NUP160: variants seen among roughly 807,000 people sequenced by gnomAD.
NUP160 encodes the protein nuclear pore complex protein Nup160.
Under a neutral mutation model 196.9 loss-of-function variants are expected in NUP160, and 94 were observed. The ratio of observed to expected loss-of-function variants is 0.48; its 90% confidence interval spans 0.40 to 0.57. NUP160 has a LOEUF of 0.57. Among genes scored for constraint, NUP160 ranks in the 20% least tolerant of loss-of-function variants. NUP160 has a pLI of 0.00. For missense variants in NUP160, 1,638 were observed against 1,748.3 expected (o/e 0.94, Z 1.13); for synonymous variants, 605 against 619.7 (o/e 0.98, Z 0.35).
rs748651233 is a variant in NUP160, at chr11:47,826,669, T to A, written c.1102-4505A>T. 2.6e-4 allele frequency among the ~76,000 whole-genome samples: 40 copies of A among 151,498 alleles called. No individual in the cohort carries two copies. In the Middle Eastern group the frequency reaches 0.017, roughly 64 times the overall value. The stretch of plus-strand genomic sequence containing the variant: ...CATCTGCCTCCTGGGTTCAAGCAAT[T>A]CTCCTGCCTCAGTCTCCCGAGTAGC... On this transcript the variant is annotated intron_variant, in intron 7 of 35. Transcript: ENST00000378460.
In NUP160 at chr11:47,848,233, G is replaced by C. The variant is rs759829541; in HGVS notation, c.188C>G (p.Thr63Arg). The change falls in exon 1 of 36, where the codon ACA becomes AGA. Residue 63 changes from threonine to arginine, a missense_variant. This residue lies in a region of NUP160 where 287 missense variants were observed against 259.5 expected (regional missense o/e 1.11). Coordinates refer to ENST00000378460, the Ensembl canonical transcript of NUP160. ...CATTTCCGTACCAATGCTGCAGACTGTGAATTCCCGAAAGTGCCTCGGCCT... is the reference window on the plus strand; with the variant it reads ...CATTTCCGTACCAATGCTGCAGACTCTGAATTCCCGAAAGTGCCTCGGCCT... The C allele has an allele frequency of 2.5e-6, 4 of 1,614,208 alleles. No individual in the cohort carries two copies. The South Asian group carries it at 4.4e-5, about 18-fold the overall frequency.
intron 2 of NUP160, among the ~76,000 whole-genome samples, chr11:47,845,839 T>G (rs933436460): frequency 1.3e-5 from 2 of 151,832 alleles, no homozygotes; most frequent in Non-Finnish European, 2.9e-5. Context: ...CCTGGCTTAT[T>G]TTAAAAAATC....
intron 29 of NUP160, among the ~76,000 whole-genome samples, chr11:47,790,410 C>T (rs1351168525): frequency 6.6e-6 from 1 of 152,058 alleles, no homozygotes; most frequent in Non-Finnish European, 1.5e-5. Flanking sequence ...CAGCCACCCG[C>T]CACCACACCC....
chr11:47,829,415 C>T (rs1383104422), intron 7 of NUP160, among the ~76,000 whole-genome samples: 2 of 152,152 alleles, frequency 1.3e-5, no homozygotes, highest in Admixed American at 1.3e-4. Context: ...AAGCAATTCT[C>T]GTGCCTCAGC....
chr11:47,808,629 A>G, intron 17 of NUP160, 100 bp from the exon 18 acceptor site: 1 of 917,536 alleles, frequency 1.1e-6, no homozygotes, highest in East Asian at 2.7e-5. Flanking sequence ...ACAAATACAA[A>G]GGTCACAATA....
intron 2 of NUP160, among the ~76,000 whole-genome samples, chr11:47,844,423 T>C (rs1182838568): frequency 6.6e-6 from 1 of 152,032 alleles, no homozygotes. Flanking sequence ...CCCTCAACTA[T>C]CTCTTTCTTA....
chr11:47,845,187 C>T lies in NUP160; in HGVS notation c.314+2661G>A, dbSNP rs376820277. 1.9e-3 allele frequency among the ~76,000 whole-genome samples: 284 copies of T among 152,288 alleles called. 1 individual carries two copies. The highest frequency in any genetic ancestry group is 3.0e-3 in the Non-Finnish European group (207 of 68,030). On this transcript the variant is annotated intron_variant, in intron 2 of 35. Coordinates refer to ENST00000378460, the Ensembl canonical transcript of NUP160. ...TGCAGTTTTGCTCTTGTTGCCCAGG[C>T]TGGAGTGCAATGGTGTGATCTCAGC...
chr11:47,811,214 T>C (rs1477820881), intron 17 of NUP160, among the ~76,000 whole-genome samples: 4 of 152,142 alleles, frequency 2.6e-5, no homozygotes, highest in South Asian at 2.1e-4. Flanking sequence ...CCTTGCACTG[T>C]AGAGAGTTCT....
intron 23 of NUP160, 83 bp downstream of exon 23, chr11:47,801,726 ATT>A: frequency 7.9e-7 from 1 of 1,270,758 alleles, no homozygotes; most frequent in Admixed American, 2.4e-5. Flanking sequence ...TTTTTATAGT[ATT>A]TTTCTCCAAA....
chr11:47,838,364 G>GT (rs930767836), intron 4 of NUP160, among the ~76,000 whole-genome samples: 16 of 152,334 alleles, frequency 1.1e-4, no homozygotes, highest in Admixed American at 7.8e-4. Context: ...CTAGGCCAGT[G>GT]TAAGGACTCT....
intron 34 of NUP160, among the ~76,000 whole-genome samples, 186 bp from the exon 35 acceptor site, chr11:47,780,633 C>A (rs566017357): frequency 1.3e-5 from 2 of 150,834 alleles, no homozygotes; most frequent in South Asian, 4.2e-4. Context: ...GCCTCCTGGG[C>A]TCAAGCAATT....
At chr11:47,795,201 A>T (rs2097670221) in intron 27 of NUP160, among the ~76,000 whole-genome samples, 1 of 152,234 alleles carries the variant, frequency 6.6e-6, no homozygotes, top group South Asian at 2.1e-4. Context: ...GGACTCCAGA[A>T]ATTAAAATAT....
At chr11:47,792,653 T>C in intron 28 of NUP160, 133 bp downstream of exon 28, 1 of 843,490 alleles carries the variant, frequency 1.2e-6, no homozygotes, top group Non-Finnish European at 1.8e-6. Flanking sequence ...CATAGATTTT[T>C]TTCACAAATA....
At chr11:47,847,799 T>C (rs1852428767) in intron 2 of NUP160, 49 bp downstream of exon 2, 1 of 1,345,322 alleles carries the variant, frequency 7.4e-7, no homozygotes, top group Non-Finnish European at 1.1e-6. Context: ...CGAAAATTTA[T>C]ACACCAAACC....
At chr11:47,824,422 G>A (rs1244512861) in intron 7 of NUP160, among the ~76,000 whole-genome samples, 1 of 151,522 alleles carries the variant, frequency 6.6e-6, no homozygotes, top group African/African-American at 2.4e-5. Context: ...TGACTAACAC[G>A]GTGAAACGCC....
intron 21 of NUP160, among the ~76,000 whole-genome samples, chr11:47,804,088 G>C (rs538241809): frequency 2.6e-5 from 4 of 151,914 alleles, no homozygotes; most frequent in African/African-American, 9.7e-5. Flanking sequence ...GGCTGAGACA[G>C]GAGAATTGCT....
intron 7 of NUP160, among the ~76,000 whole-genome samples, chr11:47,825,876 G>A (rs35985502): frequency 0.28 from 41,938 of 152,008 alleles, 6,785 homozygotes; most frequent in Middle Eastern, 0.38. Flanking sequence ...GAGCCACCAA[G>A]TCCAGCCTAA....
chr11:47,813,103 T>C, intron 14 of NUP160, 56 bp from the exon 15 acceptor site: 1 of 1,236,552 alleles, frequency 8.1e-7, no homozygotes, highest in Non-Finnish European at 1.2e-6. Flanking sequence ...ATCTATTGAT[T>C]GATATTACAT....
intron 22 of NUP160, 56 bp downstream of exon 22, chr11:47,803,382 G>A: frequency 1.9e-6 from 2 of 1,053,230 alleles, no homozygotes; most frequent in Non-Finnish European, 3.0e-6. Context: ...TGGAAGCTAA[G>A]CAACTTCCTT....
Sources: gnomAD v4.1 joint callset for allele counts (sites outside exome capture counted in the v4.1 genomes callset) on GRCh38, gnomAD v4.1.1 for gene constraint, gnomAD v4.1.1 regional missense constraint, MANE v1.5 for transcripts, NCBI Gene and HGNC (gene_info 2026-07-23, HGNC 2026-07-21) for gene names.